The following FOXP2 variants were observed in gnomAD, a reference collection of about 807,000 sequenced individuals.
The protein encoded by FOXP2 is forkhead box P2.
In FOXP2, 12 loss-of-function variants were observed where a neutral mutation model predicts 115.8. The ratio of observed to expected loss-of-function variants is 0.10; its 90% CI spans 0.07 to 0.17. FOXP2 has a LOEUF of 0.17. Among genes scored for constraint, FOXP2 ranks in the 10% least tolerant of loss-of-function variants. The pLI, the probability that FOXP2 is intolerant of heterozygous loss-of-function variation, is 1.00. For synonymous variants in FOXP2, 328 were observed against 297.7 expected, an observed-to-expected ratio of 1.10 and a Z score of -1.05; for missense variants, 629 against 843.5, an observed-to-expected ratio of 0.75 and a Z score of 3.15.
At position 114,117,203 on chromosome 7, in the gene FOXP2, T is replaced by C. The variant is rs560622000; in HGVS notation, c.-247+29365T>C. 7.2e-5 allele frequency among the ~76,000 whole-genome samples: 11 copies of C among 151,726 alleles called. No individual in the cohort carries two copies. In the East Asian group the frequency reaches 2.1e-3, roughly 29 times the overall value. ...GAATGCTTTAGGAATATTTAGAATA[T>C]ATATTATATACATTACATTACTTTT... On this transcript the variant is annotated intron_variant, in intron 1 of 19. Coordinates refer to the FOXP2 transcript ENST00000635638.
intron 3 of FOXP2, among the ~76,000 whole-genome samples, chr7:114,593,098 C>G (rs1802518573): frequency 6.6e-6 from 1 of 151,724 alleles, no homozygotes; most frequent in Non-Finnish European, 1.5e-5. Flanking sequence ...TGGTTTCTTT[C>G]AGTTGTTTTT....
At chr7:114,288,950 T>C (rs1796528502) in intron 2 of FOXP2, among the ~76,000 whole-genome samples, 2 of 151,878 alleles carry the variant, frequency 1.3e-5, no homozygotes, top group Non-Finnish European at 2.9e-5. Context: ...TTCAGAATTC[T>C]TCATTAAGAG....
At chr7:114,387,378 A>G (rs1792479375) in intron 2 of FOXP2, among the ~76,000 whole-genome samples, 1 of 152,230 alleles carries the variant, frequency 6.6e-6, no homozygotes, top group South Asian at 2.1e-4. Context: ...ACACAGTACA[A>G]TGCTGATGCC....
intron 10 of FOXP2, chr7:114,654,220 C>A: frequency 8.2e-7 from 1 of 1,216,366 alleles, no homozygotes; most frequent in Non-Finnish European, 1.1e-6. Context: ...CCATGGGTGA[C>A]ACTAAACAAA....
chr7:114,529,623 T>C (rs1799040253), intron 2 of FOXP2, among the ~76,000 whole-genome samples: 1 of 151,850 alleles, frequency 6.6e-6, no homozygotes, highest in Non-Finnish European at 1.5e-5. Flanking sequence ...TGTAAAAATA[T>C]CATTTTAAAA....
At chr7:114,514,143 C>T (rs145158863) in intron 2 of FOXP2, among the ~76,000 whole-genome samples, 45 of 151,652 alleles carry the variant, frequency 3.0e-4, no homozygotes, top group African/African-American at 9.9e-4. Flanking sequence ...CAATACTATG[C>T]TGTATGTATA....
intron 2 of FOXP2, among the ~76,000 whole-genome samples, chr7:114,352,929 G>A (rs564744404): frequency 5.3e-5 from 8 of 152,042 alleles, no homozygotes; most frequent in East Asian, 1.9e-4. Context: ...CTAATTTGAC[G>A]GACCAGGAAA....
chr7:114,572,810 T>C (rs1316260526), intron 3 of FOXP2, among the ~76,000 whole-genome samples: 1 of 151,864 alleles, frequency 6.6e-6, no homozygotes, highest in Non-Finnish European at 1.5e-5. Context: ...ATATTTTCAC[T>C]GACATATTTT....
At chr7:114,570,927 C>A (rs1801269856) in intron 3 of FOXP2, 3 of 1,503,414 alleles carry the variant, frequency 2.0e-6, no homozygotes, top group East Asian at 4.5e-5. Context: ...AGGCACAAGG[C>A]CATGGACCCA....
chr7:114,100,138 A>C (rs1221935068), intron 1 of FOXP2, among the ~76,000 whole-genome samples: 1 of 152,198 alleles, frequency 6.6e-6, no homozygotes, highest in African/African-American at 2.4e-5. Flanking sequence ...TCTTCCTTAC[A>C]GTGAATTGGA....
chr7:114,544,010 T>C (rs903641674), intron 3 of FOXP2, among the ~76,000 whole-genome samples: 2 of 152,156 alleles, frequency 1.3e-5, no homozygotes, highest in African/African-American at 2.4e-5. Context: ...TGTTTTTTTC[T>C]TTTTCTTCTT....
At chr7:114,425,003 TA>T (rs1161412349) in intron 1 of FOXP2, among the ~76,000 whole-genome samples, 1 of 151,544 alleles carries the variant, frequency 6.6e-6, no homozygotes, top group African/African-American at 2.4e-5. Flanking sequence ...TATGATACTA[TA>T]AACATTAATT....
At chr7:114,569,832 A>T (rs1248016573) in intron 3 of FOXP2, among the ~76,000 whole-genome samples, 1 of 151,904 alleles carries the variant, frequency 6.6e-6, no homozygotes, top group Non-Finnish European at 1.5e-5. Context: ...AACTTCATAG[A>T]TGTATTTGAA....
chr7:114,530,662 C>G (rs1012634477), intron 2 of FOXP2, among the ~76,000 whole-genome samples: 4 of 151,756 alleles, frequency 2.6e-5, no homozygotes, highest in Non-Finnish European at 5.9e-5. Context: ...AAGTATTTAT[C>G]TGGCAGGTTA....
At position 114,623,338 on chromosome 7, in the gene FOXP2, G is replaced by A. The variant is rs117642805; in HGVS notation, c.259-5202G>A. Among the ~76,000 whole-genome samples, 166 of 151,974 alleles carry A rather than the reference G, an allele frequency of 1.1e-3. 1 individual carries two copies. The highest frequency in any genetic ancestry group is 1.9e-3 in the Non-Finnish European group (131 of 67,846). On this transcript the variant is annotated intron_variant, in intron 3 of 16. Coordinates refer to ENST00000350908, the MANE Select transcript of FOXP2 (RefSeq NM_014491.4). ...AGTTCGTCAGGATTAGTCAAGCTAG[G>A]CGATCAAGACTGCTAATGCATAATG...
At chr7:114,266,199 C>A (rs1795890748) in intron 1 of FOXP2, among the ~76,000 whole-genome samples, 1 of 152,138 alleles carries the variant, frequency 6.6e-6, no homozygotes, top group Non-Finnish European at 1.5e-5. Flanking sequence ...TTCCTGTTTT[C>A]TTCTGAGCCC....
chr7:114,673,683 G>C (rs1807609493), intron 16 of FOXP2, among the ~76,000 whole-genome samples: 1 of 151,970 alleles, frequency 6.6e-6, no homozygotes, highest in Non-Finnish European at 1.5e-5. Context: ...CCACCTTTTT[G>C]TTGTTTCTTT....
chr7:114,509,136 A>G (rs938128906), intron 2 of FOXP2, among the ~76,000 whole-genome samples: 3 of 152,086 alleles, frequency 2.0e-5, no homozygotes, highest in African/African-American at 4.8e-5. Context: ...AGCAAAGGGC[A>G]TGATAGTATG....
chr7:114,594,379 C>T (rs183239878), intron 3 of FOXP2, among the ~76,000 whole-genome samples: 1 of 152,112 alleles, frequency 6.6e-6, no homozygotes, highest in East Asian at 1.9e-4. Context: ...TGCTGTCAAT[C>T]ACAATTAGTG....
Sources: allele counts gnomAD v4.1 joint callset (sites outside exome capture counted in the v4.1 genomes callset), GRCh38; gene constraint gnomAD v4.1.1; transcripts MANE v1.5; gene names NCBI Gene and HGNC (gene_info 2026-07-23, HGNC 2026-07-21).